The following POF1B variants were observed in gnomAD, a reference collection of about 807,000 sequenced individuals.
POF1B encodes the protein POF1B actin binding protein, also known as protein POF1B.
POF1B carries 53 observed loss-of-function variants against 55.3 expected under a neutral mutation model. That is an observed-to-expected ratio of 0.96 (90% confidence interval 0.77 to 1.20). POF1B has a LOEUF of 1.20. POF1B is among the 50% of genes most tolerant of loss of function. POF1B has a pLI of 0.00. For synonymous variants in POF1B, 188 were observed against 148.3 expected (o/e 1.27, Z -1.95); for missense variants, 478 against 420.5 (o/e 1.14, Z -1.20).
chrX:85,375,270 A>C (rs753105645), intron 2 of POF1B, among the ~76,000 whole-genome samples: 2 of 112,159 alleles, frequency 1.8e-5, no homozygotes, highest in South Asian at 7.4e-4. Flanking sequence ...AATAGGGCTT[A>C]AGAGCATGGC....
intron 13 of POF1B, among the ~76,000 whole-genome samples, chrX:85,304,876 C>T (rs1932536088): frequency 9.0e-6 from 1 of 111,487 alleles, no homozygotes; most frequent in Admixed American, 9.5e-5. Flanking sequence ...ACAGCAGTCC[C>T]ATGAAATAAG....
chrX:85,361,125 T>C (rs1183028473), intron 3 of POF1B, among the ~76,000 whole-genome samples: 1 of 112,006 alleles, frequency 8.9e-6, no homozygotes, highest in African/African-American at 3.2e-5. Context: ...TGCTGGATAT[T>C]AGACTTGTCA....
chrX:85,333,487 T>G (rs1040138491), intron 6 of POF1B, among the ~76,000 whole-genome samples: 3 of 111,523 alleles, frequency 2.7e-5, no homozygotes, highest in African/African-American at 9.7e-5. Flanking sequence ...TCACTAAAAC[T>G]TGTTGCATTG....
intron 2 of POF1B, among the ~76,000 whole-genome samples, chrX:85,375,594 G>A (rs968904320): frequency 1.8e-5 from 2 of 111,700 alleles, no homozygotes; most frequent in African/African-American, 6.5e-5. Context: ...TTTTCAGGCA[G>A]CGCACTTCCT....
chrX:85,324,961 G>A (rs1334243877), intron 7 of POF1B, among the ~76,000 whole-genome samples: 1 of 111,455 alleles, frequency 9.0e-6, no homozygotes, highest in Non-Finnish European at 1.9e-5. Context: ...GCTTAGTTTG[G>A]CCAGATGTGA....
At chrX:85,282,573 C>A (rs1350170716) in intron 15 of POF1B, among the ~76,000 whole-genome samples, 2 of 111,219 alleles carry the variant, frequency 1.8e-5, no homozygotes, top group African/African-American at 6.5e-5. Flanking sequence ...AGGACAGTGA[C>A]CCCAGAAAAG....
intron 2 of POF1B, among the ~76,000 whole-genome samples, chrX:85,374,094 T>C (rs1466774174): frequency 1.8e-5 from 2 of 111,073 alleles, no homozygotes; most frequent in South Asian, 7.6e-4. Context: ...GTATAGGGAA[T>C]TTAAGCAACT....
chrX:85,294,417 AT>A (rs1211919916), intron 15 of POF1B, among the ~76,000 whole-genome samples: 1 of 111,791 alleles, frequency 8.9e-6, no homozygotes, highest in African/African-American at 3.3e-5. Context: ...GAGGGTTTTT[AT>A]CATGAAGGGA....
chrX:85,373,279 C>T (rs760666904), intron 2 of POF1B, among the ~76,000 whole-genome samples: 1 of 111,847 alleles, frequency 8.9e-6, no homozygotes, highest in Non-Finnish European at 1.9e-5. Flanking sequence ...CATTCACTAA[C>T]CAGCTGTACT....
intron 7 of POF1B, among the ~76,000 whole-genome samples, chrX:85,327,981 T>G (rs1932916345): frequency 1.8e-5 from 2 of 110,659 alleles, no homozygotes; most frequent in Non-Finnish European, 3.8e-5. Context: ...GAATTGCATT[T>G]TGGAAGAATA....
chrX:85,280,118 C>T (rs746391230), intron 16 of POF1B, among the ~76,000 whole-genome samples: 7 of 111,228 alleles, frequency 6.3e-5, no homozygotes, highest in African/African-American at 9.7e-5. Context: ...TGATAACAAC[C>T]ATACTTAAAA....
intron 7 of POF1B, among the ~76,000 whole-genome samples, chrX:85,329,029 T>A (rs1012646430): frequency 1.8e-5 from 2 of 111,129 alleles, no homozygotes; most frequent in African/African-American, 6.5e-5. Context: ...AACTGAAGAT[T>A]TAGGGAAGGC....
At position 85,316,461 on chromosome X, in the gene POF1B, G is replaced by A. The variant is rs184258725; in HGVS notation, c.855-727C>T. 6.0e-3 allele frequency among the ~76,000 whole-genome samples: 671 copies of A among 110,911 alleles called. 2 individuals are homozygous for A. The highest frequency in any genetic ancestry group is 0.037 in the Middle Eastern group (8 of 215). ...ACCAGACTGGCACTTACTCCTTTGG[G>A]AACGTTGAAAACTGGAAAGGATACA... On this transcript the variant is annotated intron_variant, in intron 7 of 16. Coordinates refer to ENST00000262753, the MANE Select transcript of POF1B (RefSeq NM_024921.4).
At chrX:85,339,964 G>A (rs865924235) in intron 6 of POF1B, among the ~76,000 whole-genome samples, 16 of 110,934 alleles carry the variant, frequency 1.4e-4, no homozygotes, top group African/African-American at 4.6e-4. Flanking sequence ...TCAGGCCCCA[G>A]CAATCTCTCC....
chrX:85,290,826 G>A (rs1265809488), intron 15 of POF1B, among the ~76,000 whole-genome samples: 1 of 111,839 alleles, frequency 8.9e-6, no homozygotes, highest in African/African-American at 3.2e-5. Context: ...GTTCCTTACA[G>A]ATTCTGCATA....
At chrX:85,355,585 C>T (rs1933476937) in intron 4 of POF1B, among the ~76,000 whole-genome samples, 1 of 111,609 alleles carries the variant, frequency 9.0e-6, no homozygotes, top group African/African-American at 3.3e-5. Context: ...TATCCAGAAT[C>T]TACAAAGAAC....
Position 85,304,407 on chromosome X carries a change from A to T in POF1B, c.1502T>A (p.Phe501Tyr). ...KREGSCSDFQ[F>Y]KLHELTSLLE... is the part of the protein sequence containing the mutation. ...CAAGCTTGTCAGTTCATGAAGCTTA[A>T]ATTGGAAGTCACTACAACTTCCTTC... Residue 501 changes from phenylalanine to tyrosine, a missense_variant, in exon 14 of 17, where the codon TTT (phenylalanine) becomes TAT (tyrosine). Physicochemically the swap from Phe to Tyr is conservative, Grantham distance 22. Transcript: ENST00000262753. The T allele has an allele frequency of 8.4e-7, 1 of 1,195,019 alleles. No homozygotes were observed. The highest frequency in any genetic ancestry group is 1.1e-6 in the Non-Finnish European group (1 of 884,930).
intron 7 of POF1B, among the ~76,000 whole-genome samples, chrX:85,322,379 C>T (rs1418440863): frequency 9.0e-6 from 1 of 111,114 alleles, no homozygotes; most frequent in Non-Finnish European, 1.9e-5. Context: ...GCTGGGAAAA[C>T]TGGCTAGTCA....
chrX:85,277,487 C>A lies in POF1B; in HGVS notation c.*1934G>T, dbSNP rs1351677586. Reference sequence around the variant, plus strand: ...ATTAAGCTATTATTGACTATACTCACCCGGTTGTGCTATCAAATACTAGGT... The same window carrying A: ...ATTAAGCTATTATTGACTATACTCAACCGGTTGTGCTATCAAATACTAGGT... On this transcript the variant is annotated 3_prime_UTR_variant, in exon 17 of 17. Coordinates refer to ENST00000262753, the MANE Select transcript of POF1B (RefSeq NM_024921.4). 9.0e-6 allele frequency: 1 copy of A among 110,567 alleles called. No homozygotes were observed. The highest frequency in any genetic ancestry group is 1.9e-5 in the Non-Finnish European group (1 of 52,546). 9.1% of individuals were successfully genotyped at this position (110,567 alleles called of 1,213,427 possible). A position where few individuals can be genotyped will look rare whatever the true frequency, so the allele number is the denominator to read the frequency against.
Sources: gnomAD v4.1 joint callset for allele counts (sites outside exome capture counted in the v4.1 genomes callset) on GRCh38, gnomAD v4.1.1 for gene constraint, MANE v1.5 for transcripts, NCBI Gene and HGNC (gene_info 2026-07-23, HGNC 2026-07-21) for gene names.